A2M: variants seen among roughly 807,000 people sequenced by gnomAD.
The protein encoded by A2M is alpha-2-macroglobulin.
In A2M, 128 loss-of-function variants were observed where a neutral mutation model predicts 183.9. The observed-to-expected ratio is 0.70, with a 90% CI of 0.60 to 0.81. A2M has a LOEUF of 0.81. A2M is among the 30% of genes least tolerant of loss of function. The pLI is 0.00. For missense variants in A2M, 1,495 were observed against 1,787.6 expected (o/e 0.84, Z 2.95); for synonymous variants, 592 against 670.8 (o/e 0.88, Z 1.81).
chr12:9,108,807 C>T (rs748206891), intron 7 of A2M, among the ~76,000 whole-genome samples: 1 of 152,292 alleles, frequency 6.6e-6, no homozygotes, highest in East Asian at 1.9e-4. Context: ...GGTATGTAGA[C>T]CCGCCTTAGG....
chr12:9,105,521 GA>G (rs1938214818), intron 10 of A2M, among the ~76,000 whole-genome samples: 1 of 152,084 alleles, frequency 6.6e-6, no homozygotes. Context: ...TTTACATTAA[GA>G]AAATGATACA....
intron 29 of A2M, among the ~76,000 whole-genome samples, chr12:9,074,087 TAAAAAAAAA>T (rs3080599): frequency 7.6e-6 from 1 of 131,588 alleles, no homozygotes; most frequent in Admixed American, 7.7e-5. Flanking sequence ...GACTCTGTCT[TAAAAAAAAA>T]AAAAAAAAAA....
intron 17 of A2M, 57 bp from the exon 18 acceptor site, chr12:9,093,636 G>C: frequency 1.1e-6 from 1 of 880,834 alleles, no homozygotes; most frequent in Non-Finnish European, 1.6e-6. Flanking sequence ...GCTTATGAGA[G>C]AATGTAATAG....
intron 21 of A2M, 66 bp downstream of exon 21, chr12:9,089,836 A>C (rs1949155049): frequency 1.0e-6 from 1 of 1,003,508 alleles, no homozygotes; most frequent in African/African-American, 1.6e-5. Context: ...AAATATCCAT[A>C]TATTATTATA....
chr12:9,112,976 A>T (rs1938854305), intron 2 of A2M, among the ~76,000 whole-genome samples: 1 of 152,012 alleles, frequency 6.6e-6, no homozygotes, highest in Admixed American at 6.6e-5. Flanking sequence ...AATTTCTACA[A>T]TTTTTACTCT....
intron 14 of A2M, 65 bp from the exon 15 acceptor site, chr12:9,098,821 T>C (rs1949466588): frequency 6.4e-7 from 1 of 1,555,232 alleles, no homozygotes; most frequent in African/African-American, 1.4e-5. Flanking sequence ...TTCACTCGCA[T>C]TTGCAGAGTG....
intron 22 of A2M, among the ~76,000 whole-genome samples, chr12:9,082,714 A>C (rs1479816055): frequency 6.6e-6 from 1 of 152,252 alleles, no homozygotes; most frequent in Non-Finnish European, 1.5e-5. Flanking sequence ...ATAGAAATAA[A>C]GATCTATGAA....
chr12:9,075,552 T>G (rs3026224), intron 28 of A2M, among the ~76,000 whole-genome samples: 2,555 of 152,326 alleles, frequency 0.017, 77 homozygotes, highest in African/African-American at 0.058. Flanking sequence ...TGCACATACT[T>G]GTATAGGGGT....
intron 34 of A2M, 23 bp downstream of exon 34, chr12:9,068,717 A>G: frequency 1.3e-6 from 2 of 1,529,724 alleles, no homozygotes; most frequent in African/African-American, 1.4e-5. Flanking sequence ...AAATATTTCT[A>G]CGTGAAAATC....
At chr12:9,092,660 G>A (rs1160109723) in intron 18 of A2M, among the ~76,000 whole-genome samples, 1 of 152,094 alleles carries the variant, frequency 6.6e-6, no homozygotes, top group Non-Finnish European at 1.5e-5. Flanking sequence ...ACTCCCCTTG[G>A]TGCAAATGTA....
Position 9,106,357 on chromosome 12 carries a change from G to T in A2M, c.995-12C>A, listed in dbSNP as rs751855497. The T allele has an allele frequency of 6.4e-7, 1 of 1,568,208 alleles. No homozygotes were observed. Among genetic ancestry groups the T allele is most frequent in the Non-Finnish European group, 8.7e-7 (1 of 1,146,508 alleles). On this transcript the variant is annotated splice_polypyrimidine_tract_variant and intron_variant, in intron 9 of 35. Coordinates refer to ENST00000318602, the MANE Select transcript of A2M (RefSeq NM_000014.6). The stretch of plus-strand genomic sequence containing the variant: ...AGTCAATTCCACCACTGAAAAAAGA[G>T]AAAAAAATCTGTTATTTTTGGGAAG...
chr12:9,103,820 A>C (rs59972166), intron 11 of A2M, among the ~76,000 whole-genome samples: 124 of 152,276 alleles, frequency 8.1e-4, no homozygotes, highest in African/African-American at 2.8e-3. Context: ...CCCTTGATGG[A>C]CATTTGGGTA....
chr12:9,073,720 T>C (rs1948649836), intron 29 of A2M, among the ~76,000 whole-genome samples: 1 of 152,210 alleles, frequency 6.6e-6, no homozygotes, highest in African/African-American at 2.4e-5. Context: ...CATGGTTATA[T>C]AGCTAGATTT....
rs567420533 is a variant in A2M at position 9,091,529 on chromosome 12, A to G, written c.2241-100T>C. The stretch of plus-strand genomic sequence containing the variant: ...ATGATTCTACTGCCATGACTTAAAA[A>G]CACTCAATAGAAATACCAATAATGG... On this transcript the variant is annotated intron_variant, in intron 18 of 35. Transcript: ENST00000318602. The G allele has an allele frequency of 1.1e-3, 1,325 of 1,233,906 alleles. 2 individuals are homozygous for G. The highest frequency in any genetic ancestry group is 1.4e-3 in the Non-Finnish European group (1,233 of 878,890). The allele number at this position is 1,233,906 out of a possible 1,614,324, so 76.4% of individuals were successfully genotyped here. A position where few individuals can be genotyped will look rare whatever the true frequency, so the allele number is the denominator to read the frequency against.
chr12:9,101,716 C>T, intron 11 of A2M, 42 bp from the exon 12 acceptor site: 1 of 1,443,288 alleles, frequency 6.9e-7, no homozygotes, highest in Non-Finnish European at 9.5e-7. Flanking sequence ...GATTATACGT[C>T]ATAAAGATTA....
At chr12:9,080,010 T>A in intron 23 of A2M, 84 bp downstream of exon 23, 1 of 1,001,344 alleles carries the variant, frequency 1.0e-6, no homozygotes. Context: ...ATTATAGTAT[T>A]ATTTTTAGTA....
At chr12:9,091,498 C>A in intron 18 of A2M, 69 bp from the exon 19 acceptor site, 2 of 1,513,988 alleles carry the variant, frequency 1.3e-6, no homozygotes, top group East Asian at 2.3e-5. Flanking sequence ...GAGAGAATCC[C>A]TAGGAATGAT....
intron 22 of A2M, among the ~76,000 whole-genome samples, chr12:9,084,191 G>A (rs1948988814): frequency 6.6e-6 from 1 of 152,116 alleles, no homozygotes; most frequent in Non-Finnish European, 1.5e-5. Flanking sequence ...AATTACTGAA[G>A]GGAGTTCTTT....
At chr12:9,109,630 C>T (rs1431918491) in intron 6 of A2M, among the ~76,000 whole-genome samples, 4 of 152,124 alleles carry the variant, frequency 2.6e-5, no homozygotes, top group Non-Finnish European at 5.9e-5. Flanking sequence ...TCCATTAAAA[C>T]AAGAATGTTT....
Sources: gnomAD v4.1 joint callset for allele counts (sites outside exome capture counted in the v4.1 genomes callset) on GRCh38, gnomAD v4.1.1 for gene constraint, MANE v1.5 for transcripts, NCBI Gene and HGNC (gene_info 2026-07-23, HGNC 2026-07-21) for gene names.